ZNF804B: variants seen among roughly 807,000 people sequenced by gnomAD.
ZNF804B encodes zinc finger 804B.
Under a neutral mutation model 101.4 loss-of-function variants are expected in ZNF804B, and 80 were observed. That is an observed-to-expected ratio of 0.79 (90% CI 0.66 to 0.95). The LOEUF (loss-of-function observed/expected upper bound fraction) is 0.95. ZNF804B is among the 40% of genes least tolerant of loss of function. The pLI is 0.00. For missense variants in ZNF804B, 1,673 were observed against 1,561.9 expected (o/e 1.07, Z -1.20); for synonymous variants, 622 against 558.8 (o/e 1.11, Z -1.59).
At chr7:88,868,925 C>T (rs1251536255) in intron 1 of ZNF804B, among the ~76,000 whole-genome samples, 2 of 152,056 alleles carry the variant, frequency 1.3e-5, no homozygotes, top group East Asian at 1.9e-4. Context: ...ACAAGTGCAG[C>T]CTGTTTATTT....
chr7:89,221,691 T>TTTCTATTCTA (rs61397319), intron 2 of ZNF804B, among the ~76,000 whole-genome samples: 14,664 of 142,326 alleles, frequency 0.1, 836 homozygotes, highest in Middle Eastern at 0.13. Flanking sequence ...TTCCTCAATA[T>TTTCTATTCTA]TTCTATTCTA....
chr7:89,103,501 T>C (rs745355011), intron 1 of ZNF804B, among the ~76,000 whole-genome samples: 5 of 151,612 alleles, frequency 3.3e-5, no homozygotes, highest in Non-Finnish European at 5.9e-5. Context: ...GTGTGTCTAC[T>C]GTAAAAGGGA....
At chr7:89,025,565 AAACTTATTAT>A (rs1204786057) in intron 1 of ZNF804B, among the ~76,000 whole-genome samples, 2 of 152,174 alleles carry the variant, frequency 1.3e-5, no homozygotes, top group African/African-American at 4.8e-5. Context: ...TTTAAAAAAC[AAACTTATTAT>A]ATGTTATCTG....
Position 89,334,117 on chromosome 7 carries a change from A to G in ZNF804B, c.1135A>G (p.Arg379Gly), listed in dbSNP as rs373709947. 6 of 1,613,642 alleles carry G rather than the reference A, an allele frequency of 3.7e-6. No homozygotes were observed. The highest frequency in any genetic ancestry group is 5.1e-6 in the Non-Finnish European group (6 of 1,179,848). Residue 379 changes from arginine (R) to glycine (G), a missense_variant, in exon 4 of 4, where the codon AGG (arginine) becomes GGG (glycine). Arg to Gly is a moderately radical substitution (Grantham distance 125). Transcript: ENST00000333190. ...AAACATTTACAACCATAGTGATGCC[A>G]GGATATCTGAATGCCTGGATGAGTT... Reference protein sequence around the residue: ...PPNIYNHSDARISECLDEFSS... With the variant: ...PPNIYNHSDAGISECLDEFSS...
At chr7:88,893,619 T>G (rs531242206) in intron 1 of ZNF804B, among the ~76,000 whole-genome samples, 1 of 152,238 alleles carries the variant, frequency 6.6e-6, no homozygotes, top group South Asian at 2.1e-4. Flanking sequence ...TAGATTTGAC[T>G]TAAAAGTGTG....
At chr7:89,180,288 G>C (rs1788279861) in intron 1 of ZNF804B, among the ~76,000 whole-genome samples, 1 of 152,166 alleles carries the variant, frequency 6.6e-6, no homozygotes, top group South Asian at 2.1e-4. Flanking sequence ...CTGTCTGATA[G>C]CTAGGGCCTG....
intron 1 of ZNF804B, among the ~76,000 whole-genome samples, chr7:88,878,983 C>G (rs1526252): frequency 0.44 from 66,815 of 151,902 alleles, 16,058 homozygotes; most frequent in African/African-American, 0.63. Context: ...AGTACATCAG[C>G]GTCACAGACC....
intron 1 of ZNF804B, among the ~76,000 whole-genome samples, chr7:88,796,442 T>C (rs545981889): frequency 6.6e-6 from 1 of 152,252 alleles, no homozygotes; most frequent in African/African-American, 2.4e-5. Context: ...ATACAATCTT[T>C]CCGAAGATGT....
intron 1 of ZNF804B, among the ~76,000 whole-genome samples, chr7:89,034,237 C>A (rs954516803): frequency 1.3e-5 from 2 of 151,974 alleles, no homozygotes; most frequent in African/African-American, 4.8e-5. Context: ...AGAAAGAAGA[C>A]TTTTTTTGAA....
At chr7:89,316,751 T>C (rs1272354301) in intron 2 of ZNF804B, among the ~76,000 whole-genome samples, 1 of 152,178 alleles carries the variant, frequency 6.6e-6, no homozygotes, top group Non-Finnish European at 1.5e-5. Flanking sequence ...CAGGCAAGTC[T>C]GCACTCATCC....
chr7:88,788,095 G>A (rs1230627403), intron 1 of ZNF804B, among the ~76,000 whole-genome samples: 3 of 152,102 alleles, frequency 2.0e-5, no homozygotes, highest in Non-Finnish European at 4.4e-5. Context: ...AAGGAATGTG[G>A]CGGCAGGGAA....
intron 1 of ZNF804B, among the ~76,000 whole-genome samples, chr7:89,173,500 G>A (rs1791270109): frequency 6.6e-6 from 1 of 151,972 alleles, no homozygotes; most frequent in East Asian, 1.9e-4. Context: ...TTGCAGTTTT[G>A]TTCAATTTAG....
intron 1 of ZNF804B, among the ~76,000 whole-genome samples, chr7:88,788,581 G>A (rs889120114): frequency 4.6e-5 from 7 of 152,170 alleles, no homozygotes; most frequent in African/African-American, 1.7e-4. Flanking sequence ...TTGTTTATTT[G>A]TTTTTTGTTT....
chr7:89,105,656 A>G (rs1277740165), intron 1 of ZNF804B, among the ~76,000 whole-genome samples: 1 of 152,086 alleles, frequency 6.6e-6, no homozygotes, highest in Non-Finnish European at 1.5e-5. Flanking sequence ...AACCAAAGGT[A>G]CGGGGCTTTC....
At chr7:89,057,343 A>G (rs1009057706) in intron 1 of ZNF804B, among the ~76,000 whole-genome samples, 5 of 152,030 alleles carry the variant, frequency 3.3e-5, no homozygotes, top group African/African-American at 9.7e-5. Context: ...TCTGTCCAGA[A>G]AGTGGCATGC....
intron 1 of ZNF804B, among the ~76,000 whole-genome samples, chr7:88,926,665 G>T (rs1238229452): frequency 1.3e-5 from 2 of 151,916 alleles, no homozygotes; most frequent in African/African-American, 4.8e-5. Context: ...TACCTGATAT[G>T]CAAAGCCCCA....
chr7:88,808,154 G>A (rs893057158), intron 1 of ZNF804B, among the ~76,000 whole-genome samples: 1 of 152,256 alleles, frequency 6.6e-6, no homozygotes, highest in African/African-American at 2.4e-5. Flanking sequence ...AACTTTAGGA[G>A]GCTGAGGCGG....
chr7:89,096,211 A>G (rs571511536), intron 1 of ZNF804B, among the ~76,000 whole-genome samples: 6 of 151,924 alleles, frequency 3.9e-5, no homozygotes, highest in Admixed American at 6.6e-5. Context: ...GGATCAATCT[A>G]TGGTGTGACT....
At chr7:89,238,488 A>G (rs1184863937) in intron 2 of ZNF804B, among the ~76,000 whole-genome samples, 1 of 152,184 alleles carries the variant, frequency 6.6e-6, no homozygotes, top group Non-Finnish European at 1.5e-5. Flanking sequence ...ATCCCACTGC[A>G]TTTTGTAAGA....
Sources: gnomAD v4.1 joint callset for allele counts (sites outside exome capture counted in the v4.1 genomes callset) on GRCh38, gnomAD v4.1.1 for gene constraint, MANE v1.5 for transcripts, NCBI Gene and HGNC (gene_info 2026-07-23, HGNC 2026-07-21) for gene names.